Variants in TMEM8B observed in about 807,000 individuals in gnomAD.
The protein encoded by TMEM8B is transmembrane protein 8B, also known as nasopharyngeal carcinoma expressed 6.
A neutral mutation model predicts 49.3 loss-of-function variants in TMEM8B; 29 were observed. The ratio of observed to expected loss-of-function variants is 0.59; its 90% confidence interval spans 0.44 to 0.80. The LOEUF is 0.80. Among genes scored for constraint, TMEM8B ranks in the 30% least tolerant of loss-of-function variants. The probability of loss-of-function intolerance (pLI) is 0.00; values close to 1 mark genes in which losing one functional copy is unlikely to be tolerated. For synonymous variants in TMEM8B, 264 were observed against 272.8 expected, an observed-to-expected ratio of 0.97 and a Z score of 0.32; for missense variants, 575 against 658.5, an observed-to-expected ratio of 0.87 and a Z score of 1.39.
At chr9:35,834,018 C>T (rs1462735932) in intron 1 of TMEM8B, among the ~76,000 whole-genome samples, 1 of 145,090 alleles carries the variant, frequency 6.9e-6, no homozygotes, top group Admixed American at 7.0e-5. Context: ...TGGCTTAAGA[C>T]GCCATGCCAA....
intron 6 of TMEM8B, among the ~76,000 whole-genome samples, chr9:35,843,321 C>T (rs1304037546): frequency 1.3e-5 from 2 of 152,182 alleles, no homozygotes; most frequent in South Asian, 2.1e-4. Context: ...TAATATCTTA[C>T]ATTAGTATGA....
chr9:35,832,491 C>T (rs936482121), intron 1 of TMEM8B, among the ~76,000 whole-genome samples: 10 of 152,124 alleles, frequency 6.6e-5, no homozygotes, highest in African/African-American at 2.2e-4. Context: ...ACCTCTGTAG[C>T]CCCTGGCCAC....
Position 35,858,283 on chromosome 9 carries a change from G to A in TMEM8B, c.*4443G>A, listed in dbSNP as rs997111541. 2 of 151,616 alleles carry A rather than the reference G, an allele frequency of 1.3e-5. No homozygotes were observed. The highest frequency in any genetic ancestry group is 4.9e-5 in the African/African-American group (2 of 41,208). 9.4% of individuals were successfully genotyped at this position (151,616 alleles called of 1,614,324 possible). A position where few individuals can be genotyped will look rare whatever the true frequency, so the allele number is the denominator to read the frequency against. On this transcript the variant is annotated 3_prime_UTR_variant, in exon 13 of 13. Coordinates refer to ENST00000643932, the MANE Select transcript of TMEM8B (RefSeq NM_001042590.4). The stretch of plus-strand genomic sequence containing the variant: ...TTTTTGTGTTTTTAGTAGAGGCAGG[G>A]TTTCATCACATTTCCCGGGCTGGTC...
At chr9:35,837,781 T>G (rs1830581865) in intron 3 of TMEM8B, among the ~76,000 whole-genome samples, 1 of 152,238 alleles carries the variant, frequency 6.6e-6, no homozygotes, top group African/African-American at 2.4e-5. Context: ...TATCAGCCAC[T>G]CTGTCTTGTC....
chr9:35,829,524 T>TGGCCCCCAGCCCCGCCCTCGC lies in TMEM8B; in HGVS notation c.77_78insGGCCCCCAGCCCCGCCCTCGC (p.Phe26delinsLeuAlaProSerProAlaLeuAla). The TGGCCCCCAGCCCCGCCCTCGC allele has an allele frequency of 2.9e-6, 1 of 342,468 alleles. No homozygotes were observed. The allele number at this position is 342,468 out of a possible 1,614,324, so 21.2% of individuals were successfully genotyped here. Reference sequence around the variant, plus strand: ...CCCCCAGCCCCGCCCTCGCCCCGCTTCCCACATCGGCCCCAGCCCCTGCCT... The same window carrying TGGCCCCCAGCCCCGCCCTCGC: ...CCCCCAGCCCCGCCCTCGCCCCGCTTGGCCCCCAGCCCCGCCCTCGCCCCACATCGGCCCCAGCCCCTGCCT... On this transcript the variant is annotated protein_altering_variant, in exon 1 of 13. Coordinates refer to ENST00000643932, the MANE Select transcript of TMEM8B (RefSeq NM_001042590.4).
rs953313234 is a variant in TMEM8B at position 35,853,080 on chromosome 9, C to G, written c.2323-61C>G. ...CCAAGTGCCTCTCATGATTCTGACC[C>G]AGGCCCTGGAGTGCTGTCTGTCACC... On this transcript the variant is annotated intron_variant, in intron 11 of 12. Coordinates refer to ENST00000643932, the MANE Select transcript of TMEM8B (RefSeq NM_001042590.4). The surrounding 1 kb of genome is among the most constrained non-coding windows in gnomAD (Gnocchi z 4.2). The G allele has an allele frequency of 1.2e-6, 2 of 1,607,542 alleles. No individual in the cohort carries two copies. Among genetic ancestry groups the G allele is most frequent in the African/African-American group, 2.7e-5 (2 of 74,748 alleles).
Position 35,852,896 on chromosome 9 carries a change from T to G in TMEM8B, c.2245T>G (p.Cys749Gly), listed in dbSNP as rs1390487732. ...CIMDYDVLQF[C>G]DFLGSLMSVW... ...CATGGACTACGATGTGCTGCAGTTC[T>G]GTGATTTCCTGGGCTCCTTAATGTC... The change falls in exon 11 of 13, where the codon TGT becomes GGT. Residue 749 changes from cysteine (C) to glycine (G), a missense_variant. Transcript: ENST00000643932. 1.2e-6 allele frequency: 2 copies of G among 1,614,228 alleles called. No homozygotes were observed. The highest frequency in any genetic ancestry group is 3.3e-5 in the Admixed American group (2 of 60,026).
chr9:35,835,710 C>T (rs923024344), intron 3 of TMEM8B, among the ~76,000 whole-genome samples: 2 of 152,222 alleles, frequency 1.3e-5, no homozygotes, highest in Non-Finnish European at 2.9e-5. Flanking sequence ...GCTTCCTACA[C>T]CTTTCAGAAG....
At chr9:35,832,888 C>T (rs1252652905) in intron 1 of TMEM8B, among the ~76,000 whole-genome samples, 2 of 152,302 alleles carry the variant, frequency 1.3e-5, no homozygotes, top group Admixed American at 6.5e-5. Context: ...TTCCCTTTAT[C>T]CCTCTCGGCT....
At position 35,854,097 on chromosome 9, in the gene TMEM8B, G is replaced by A. The variant is rs1832401403; in HGVS notation, c.*257G>A. 2.6e-6 allele frequency: 3 copies of A among 1,135,944 alleles called. No homozygotes were observed. The highest frequency in any genetic ancestry group is 3.3e-6 in the Non-Finnish European group (3 of 902,122). 70.4% of individuals were successfully genotyped at this position (1,135,944 alleles called of 1,614,324 possible). On this transcript the variant is annotated 3_prime_UTR_variant, in exon 13 of 13. Transcript: ENST00000643932. ...CAGGCACAGAGTCCCTCAGGACCAA[G>A]GAGTCCCTCCTGCAGGTGTGGAGCC...
chr9:35,844,828 A>G (rs1016608442), intron 6 of TMEM8B, among the ~76,000 whole-genome samples: 5 of 152,228 alleles, frequency 3.3e-5, no homozygotes, highest in African/African-American at 9.6e-5. Flanking sequence ...ATCTGTTTAC[A>G]TTCCATCCAT....
At chr9:35,846,776 G>A (rs1018501847) in intron 9 of TMEM8B, 41 bp from the exon 10 acceptor site, 2 of 1,583,418 alleles carry the variant, frequency 1.3e-6, no homozygotes, top group Admixed American at 3.4e-5. Flanking sequence ...GCCCATAGCT[G>A]CCGTCTGTTC....
chr9:35,848,466 C>T (rs1439943237), intron 10 of TMEM8B, among the ~76,000 whole-genome samples: 1 of 152,090 alleles, frequency 6.6e-6, no homozygotes. Context: ...TGTCAGGAGC[C>T]TGAAGCATGT....
At chr9:35,846,172 G>C (rs561796855) in intron 7 of TMEM8B, 86 bp from the exon 8 acceptor site, 2 of 1,606,992 alleles carry the variant, frequency 1.2e-6, no homozygotes, top group Non-Finnish European at 1.7e-6. Flanking sequence ...GATAGGCTAG[G>C]GTTCCGGGAA....
In TMEM8B at chr9:35,853,800, G is replaced by C; in HGVS notation, c.2735G>C (p.Gly912Ala). 1 of 1,565,812 alleles carries C rather than the reference G, an allele frequency of 6.4e-7. No individual in the cohort carries two copies. Among genetic ancestry groups the C allele is most frequent in the East Asian group, 2.2e-5 (1 of 44,576 alleles). Residue 912 changes from glycine to alanine, a missense_variant, in exon 13 of 13, where the codon GGC becomes GCC. Physicochemically the swap from Gly to Ala is moderately conservative, Grantham distance 60. Transcript: ENST00000643932. The surrounding 1 kb of genome is among the most constrained non-coding windows in gnomAD (Gnocchi z 4.2). The part of the protein sequence containing the change: ...INEQEELGLV[G>A]PGGATVSSIC... ...GAGCAGGAGGAGCTGGGCCTCGTGG[G>C]CCCAGGAGGGGCCACTGTCAGCAGC...
rs1477468017 is a variant in TMEM8B at position 35,841,762 on chromosome 9, C to T, written c.1277C>T (p.Thr426Ile). Residue 426 changes from threonine (T) to isoleucine (I), a missense_variant, in exon 5 of 13, where the codon ACC (threonine) becomes ATC (isoleucine). Thr to Ile is a moderately conservative substitution (Grantham distance 89, BLOSUM62 -1). Transcript: ENST00000643932. This position sits in a 1 kb window ranked among gnomAD's most constrained non-coding sequence, Gnocchi z 5.9. ...VETSSRGPGRTIRFQLCVRLQ... is the reference protein window; with the variant it reads ...VETSSRGPGRIIRFQLCVRLQ... ...ACATCATCCCGGGGCCCTGGTAGGA[C>T]CATCCGCTTCCAGCTGTGTGTGCGG... 1 of 415,870 alleles carries T rather than the reference C, an allele frequency of 2.4e-6. No homozygotes were observed. Among genetic ancestry groups the T allele is most frequent in the Non-Finnish European group, 4.4e-6 (1 of 226,502 alleles). 25.8% of individuals were successfully genotyped at this position (415,870 alleles called of 1,614,324 possible).
At position 35,853,819 on chromosome 9, in the gene TMEM8B, C is replaced by G. The variant is rs764417798; in HGVS notation, c.2754C>G (p.Val918=). 3.0e-5 allele frequency: 46 copies of G among 1,548,326 alleles called. No individual in the cohort carries two copies. The highest frequency in any genetic ancestry group is 2.6e-4 in the Admixed American group (13 of 50,696). The change falls in exon 13 of 13, where the codon GTC becomes GTG. Residue 918 remains valine (V), a synonymous_variant. Coordinates refer to ENST00000643932, the MANE Select transcript of TMEM8B (RefSeq NM_001042590.4). This position sits in a 1 kb window ranked among gnomAD's most constrained non-coding sequence, Gnocchi z 4.2. ...TCGTGGGCCCAGGAGGGGCCACTGT[C>G]AGCAGCATCTGTGCCAGCTGAGAGG... ...LGLVGPGGAT[V]SSICAS is the part of the protein sequence containing the mutation.
At position 35,855,310 on chromosome 9, in the gene TMEM8B, T is replaced by A. The variant is rs1232765595; in HGVS notation, c.*1470T>A. ...CTTTTGGGACCCTCTGTGTCAGTAT[T>A]CTCACTACATCCTCTCCTCCTCTCT... On this transcript the variant is annotated 3_prime_UTR_variant, in exon 13 of 13. Coordinates refer to ENST00000643932, the MANE Select transcript of TMEM8B (RefSeq NM_001042590.4). The A allele has an allele frequency of 1.3e-5, 2 of 152,226 alleles. No individual in the cohort carries two copies. The highest frequency in any genetic ancestry group is 2.9e-5 in the Non-Finnish European group (2 of 68,060). 9.4% of individuals were successfully genotyped at this position (152,226 alleles called of 1,614,324 possible).
intron 1 of TMEM8B, among the ~76,000 whole-genome samples, chr9:35,831,096 A>G (rs1449214903): frequency 3.3e-5 from 5 of 152,192 alleles, no homozygotes; most frequent in African/African-American, 1.2e-4. Flanking sequence ...TTCAGTGTAC[A>G]AACTTAAGGA....
Sources: allele counts gnomAD v4.1 joint callset (sites outside exome capture counted in the v4.1 genomes callset), GRCh38; gene constraint gnomAD v4.1.1; non-coding constraint Gnocchi (gnomAD v3.1); transcripts MANE v1.5; gene names NCBI Gene and HGNC (gene_info 2026-07-23, HGNC 2026-07-21).